The following RARB variants were observed in gnomAD, a reference collection of about 807,000 sequenced individuals.
RARB encodes retinoic acid receptor beta.
Under a neutral mutation model 51.9 loss-of-function variants are expected in RARB, and 17 were observed. The observed-to-expected ratio is 0.33, with a 90% CI of 0.22 to 0.49. The LOEUF (loss-of-function observed/expected upper bound fraction) is 0.49, where lower values mean the gene tolerates loss of function less well. Among genes scored for constraint, RARB ranks in the 20% least tolerant of loss-of-function variants. The pLI is 0.99. For synonymous variants in RARB, 215 were observed against 195.4 expected (o/e 1.10, Z -0.84); for missense variants, 369 against 550.8 (o/e 0.67, Z 3.30).
chr3:25,468,664 G>T (rs1695552578), intron 2 of RARB, among the ~76,000 whole-genome samples: 1 of 151,902 alleles, frequency 6.6e-6, no homozygotes, highest in South Asian at 2.1e-4. Flanking sequence ...AAAACTAACA[G>T]ATAGGGGCAT....
intron 5 of RARB, among the ~76,000 whole-genome samples, chr3:25,239,248 G>T (rs1249835930): frequency 1.3e-5 from 2 of 152,110 alleles, no homozygotes; most frequent in Non-Finnish European, 2.9e-5. Flanking sequence ...CTATTCAACA[G>T]GTTGTTCTAT....
intron 5 of RARB, among the ~76,000 whole-genome samples, chr3:25,209,605 C>T (rs1411003718): frequency 6.6e-6 from 1 of 152,194 alleles, no homozygotes; most frequent in Non-Finnish European, 1.5e-5. Context: ...GGCTCTTTCA[C>T]CCTTCTTAGC....
chr3:25,549,984 G>C (rs752895209), intron 3 of RARB, among the ~76,000 whole-genome samples: 29 of 152,052 alleles, frequency 1.9e-4, no homozygotes, highest in East Asian at 1.4e-3. Context: ...TGATCTCCAA[G>C]GTCCCTTCCA....
At chr3:24,894,582 G>T (rs1487451963) in intron 2 of RARB, among the ~76,000 whole-genome samples, 2 of 152,086 alleles carry the variant, frequency 1.3e-5, no homozygotes, top group Admixed American at 6.5e-5. Flanking sequence ...ACATGTGAGT[G>T]CATGTGTCTT....
chr3:25,228,023 T>C (rs1702093002), intron 5 of RARB, among the ~76,000 whole-genome samples: 2 of 152,114 alleles, frequency 1.3e-5, no homozygotes, highest in Admixed American at 1.3e-4. Context: ...CTGAGTTTTA[T>C]ATCTTGCAGG....
chr3:25,053,419 C>T (rs1232350356), intron 2 of RARB, among the ~76,000 whole-genome samples: 2 of 152,114 alleles, frequency 1.3e-5, no homozygotes, highest in Admixed American at 6.6e-5. Context: ...AAAGCAGTTT[C>T]CTTTGCTTAG....
intron 3 of RARB, among the ~76,000 whole-genome samples, chr3:25,079,097 G>A (rs1270516069): frequency 6.6e-6 from 1 of 151,256 alleles, no homozygotes; most frequent in Non-Finnish European, 1.5e-5. Context: ...CAGTGTTGAC[G>A]CTTACACATA....
At chr3:25,099,202 C>G (rs963299969) in intron 3 of RARB, among the ~76,000 whole-genome samples, 1 of 152,240 alleles carries the variant, frequency 6.6e-6, no homozygotes, top group East Asian at 1.9e-4. Context: ...TATAGCAGTT[C>G]GTTTGTCTGA....
intron 2 of RARB, among the ~76,000 whole-genome samples, chr3:25,027,925 G>T (rs1371321132): frequency 6.6e-6 from 1 of 151,952 alleles, no homozygotes; most frequent in Non-Finnish European, 1.5e-5. Flanking sequence ...CGATGGTTGT[G>T]CACACTTAAG....
intron 5 of RARB, among the ~76,000 whole-genome samples, chr3:25,225,071 A>C (rs1452470632): frequency 3.9e-5 from 6 of 152,208 alleles, no homozygotes; most frequent in Admixed American, 3.9e-4. Context: ...TTTACAGATT[A>C]AGGTGATACC....
chr3:25,046,770 A>T, intron 2 of RARB, among the ~76,000 whole-genome samples: 1 of 152,158 alleles, frequency 6.6e-6, no homozygotes, highest in East Asian at 1.9e-4. Flanking sequence ...TTGATAATTT[A>T]TATTAGTTAG....
intron 2 of RARB, among the ~76,000 whole-genome samples, chr3:25,052,497 A>C (rs1235063770): frequency 6.6e-6 from 1 of 152,214 alleles, no homozygotes; most frequent in Non-Finnish European, 1.5e-5. Flanking sequence ...TTTTTTCTTC[A>C]TTTAAAATTT....
chr3:25,364,133 T>G (rs1706040653), intron 5 of RARB, among the ~76,000 whole-genome samples: 1 of 152,194 alleles, frequency 6.6e-6, no homozygotes, highest in South Asian at 2.1e-4. Flanking sequence ...ATTCTTTTTT[T>G]GTTTTATTTT....
At chr3:25,517,420 A>G (rs557270677) in intron 3 of RARB, among the ~76,000 whole-genome samples, 7 of 152,352 alleles carry the variant, frequency 4.6e-5, no homozygotes, top group Non-Finnish European at 1.0e-4. Flanking sequence ...CATCATGGAA[A>G]TGCAGGTCAA....
chr3:25,429,822 G>A (rs978786455), intron 1 of RARB, among the ~76,000 whole-genome samples: 11 of 152,188 alleles, frequency 7.2e-5, no homozygotes, highest in African/African-American at 2.4e-4. Flanking sequence ...AGGATGCTTC[G>A]CCGCCCTGAC....
chr3:25,185,032 T>C (rs1371488315), intron 5 of RARB, among the ~76,000 whole-genome samples: 1 of 152,242 alleles, frequency 6.6e-6, no homozygotes, highest in Non-Finnish European at 1.5e-5. Context: ...TTATGCATTC[T>C]AACTTCCAAA....
At chr3:25,195,575 C>T (rs570820433) in intron 5 of RARB, among the ~76,000 whole-genome samples, 19 of 152,104 alleles carry the variant, frequency 1.2e-4, no homozygotes, top group African/African-American at 4.6e-4. Context: ...AATTCCCAAG[C>T]ATTTTCTTAG....
intron 5 of RARB, among the ~76,000 whole-genome samples, chr3:25,357,714 T>A (rs1705788728): frequency 6.6e-6 from 1 of 152,224 alleles, no homozygotes. Flanking sequence ...GGGTGCAGTT[T>A]CAGTTTTCTG....
chr3:25,278,267 T>G (rs2125414622), intron 5 of RARB, among the ~76,000 whole-genome samples: 1 of 152,308 alleles, frequency 6.6e-6, no homozygotes, highest in Admixed American at 6.5e-5. Context: ...TCTCACTGTT[T>G]TGTCGTAAAG....
Sources: allele counts gnomAD v4.1 joint callset (sites outside exome capture counted in the v4.1 genomes callset), GRCh38; gene constraint gnomAD v4.1.1; transcripts MANE v1.5; gene names NCBI Gene and HGNC (gene_info 2026-07-23, HGNC 2026-07-21).